COL24A1: variants seen among roughly 807,000 people sequenced by gnomAD.
COL24A1 encodes the protein collagen type XXIV alpha 1 chain, also known as collagen alpha-1(XXIV) chain.
Under a neutral mutation model 253.9 loss-of-function variants are expected in COL24A1, and 224 were observed. That is an observed-to-expected ratio of 0.88 (90% CI 0.79 to 0.99). The LOEUF is 0.99. Among genes scored for constraint, COL24A1 ranks in the 50% least tolerant of loss-of-function variants. The pLI, the probability that COL24A1 is intolerant of heterozygous loss-of-function variation, is 0.00. For missense variants in COL24A1, 2,131 were observed against 2,068.5 expected (o/e 1.03, Z -0.59); for synonymous variants, 685 against 673.7 (o/e 1.02, Z -0.26).
At chr1:86,108,479 G>C (rs1050779455) in intron 5 of COL24A1, among the ~76,000 whole-genome samples, 1 of 151,622 alleles carries the variant, frequency 6.6e-6, no homozygotes, top group Non-Finnish European at 1.5e-5. Flanking sequence ...CAGCAACAGA[G>C]CTTATTAAGA....
intron 20 of COL24A1, among the ~76,000 whole-genome samples, chr1:85,976,272 G>C (rs1174175908): frequency 1.3e-5 from 2 of 152,158 alleles, no homozygotes; most frequent in Non-Finnish European, 2.9e-5. Flanking sequence ...GCTGAGCACA[G>C]GCTACCTGGA....
At chr1:86,151,328 T>C (rs2102454128) in intron 1 of COL24A1, among the ~76,000 whole-genome samples, 1 of 152,306 alleles carries the variant, frequency 6.6e-6, no homozygotes, top group Admixed American at 6.5e-5. Context: ...CACTGGTTTG[T>C]ATATGTGGAC....
chr1:85,849,684 ACCCATTTTAATTAGAGAG>A (rs1474943603), intron 37 of COL24A1, among the ~76,000 whole-genome samples: 1 of 152,182 alleles, frequency 6.6e-6, no homozygotes, highest in African/African-American at 2.4e-5. Context: ...GATTCAGTAT[ACCCATTTTAATTAGAGAG>A]AATGTAATTA....
intron 1 of COL24A1, among the ~76,000 whole-genome samples, chr1:86,146,924 A>G (rs886969207): frequency 1.3e-5 from 2 of 152,140 alleles, no homozygotes; most frequent in Admixed American, 6.5e-5. Context: ...AACATTCTTC[A>G]TAATTGGCTG....
At chr1:85,912,919 T>C (rs940514737) in intron 24 of COL24A1, among the ~76,000 whole-genome samples, 9 of 152,240 alleles carry the variant, frequency 5.9e-5, no homozygotes, top group African/African-American at 2.2e-4. Flanking sequence ...ATTTGATATA[T>C]TGGTGTAAAT....
chr1:85,784,140 T>C lies in COL24A1; in HGVS notation c.4194A>G (p.Thr1398=). The C allele has an allele frequency of 6.2e-7, 1 of 1,613,600 alleles. No homozygotes were observed. Among genetic ancestry groups the C allele is most frequent in the Non-Finnish European group, 8.5e-7 (1 of 1,179,638 alleles). ...QPGEYGVQGL[T]GFQGFPGPKG... is the part of the protein sequence containing the mutation. ...TAGGGCCTGGGAATCCTTGGAAACC[T>C]GTCAAACCTTGAACACCATATTCTC... Residue 1398 remains threonine (T), a synonymous_variant, in exon 50 of 60, where the codon ACA becomes ACG. Transcript: ENST00000370571.
At position 86,086,910 on chromosome 1, in the gene COL24A1, GAC is replaced by G. The variant is rs772737421; in HGVS notation, c.1707+2262_1707+2263del. ...TCTGTATATAGTTTCCATTAATAGA[GAC>G]ACTCTGAAAAGGGGGAAAATATTCC... is the stretch of plus-strand genomic sequence containing the variant. On this transcript the variant is annotated intron_variant, in intron 7 of 59. Transcript: ENST00000370571. Among the ~76,000 whole-genome samples the G allele has an allele frequency of 2.6e-5, 4 of 152,210 alleles. No individual in the cohort carries two copies. In the East Asian group the frequency reaches 7.7e-4, roughly 29 times the overall value.
chr1:85,763,777 G>A (rs569029850), intron 53 of COL24A1, among the ~76,000 whole-genome samples: 1 of 152,180 alleles, frequency 6.6e-6, no homozygotes, highest in South Asian at 2.1e-4. Context: ...TTACAGGCAT[G>A]AGCCACTGTG....
At chr1:85,987,224 C>T (rs1187607825) in intron 20 of COL24A1, among the ~76,000 whole-genome samples, 1 of 151,776 alleles carries the variant, frequency 6.6e-6, no homozygotes, top group Non-Finnish European at 1.5e-5. Context: ...TCATGGACAC[C>T]ACAGGCTTTC....
intron 3 of COL24A1, among the ~76,000 whole-genome samples, chr1:86,123,591 T>G (rs1647740930): frequency 6.6e-6 from 1 of 151,976 alleles, no homozygotes; most frequent in Non-Finnish European, 1.5e-5. Context: ...TGAATGACTA[T>G]TTTTGAATTT....
chr1:85,898,146 T>A (rs1683938180), intron 28 of COL24A1, among the ~76,000 whole-genome samples: 2 of 152,264 alleles, frequency 1.3e-5, no homozygotes, highest in South Asian at 4.1e-4. Context: ...GGTCTGAAGT[T>A]CACTTACAAA....
chr1:86,117,991 A>G (rs1169921696), intron 3 of COL24A1, among the ~76,000 whole-genome samples: 1 of 152,172 alleles, frequency 6.6e-6, no homozygotes, highest in Admixed American at 6.5e-5. Flanking sequence ...TGAGTATTAA[A>G]GCTATTGTAT....
intron 19 of COL24A1, 68 bp downstream of exon 19, chr1:86,017,083 G>C: frequency 7.2e-7 from 1 of 1,383,456 alleles, no homozygotes; most frequent in Non-Finnish European, 1.0e-6. Flanking sequence ...GTTGAAACAT[G>C]TTTTATCAAA....
Position 85,730,601 on chromosome 1 carries a change from T to C in COL24A1, c.5090A>G (p.His1697Arg), listed in dbSNP as rs1365807943. The stretch of plus-strand genomic sequence containing the variant: ...GTAATACTTTCGTTCAGTTTTGAGA[T>C]GAGGAAGTTTTTGTACTTCAATCAC... ...LPVIEVQKLP[H>R]LKTERKYYID... The change falls in exon 60 of 60, where the codon CAT becomes CGT. Residue 1697 changes from histidine (H) to arginine (R), a missense_variant. Transcript: ENST00000370571. 6.2e-7 allele frequency: 1 copy of C among 1,614,064 alleles called. No individual in the cohort carries two copies. The highest frequency in any genetic ancestry group is 8.5e-7 in the Non-Finnish European group (1 of 1,179,932).
intron 7 of COL24A1, among the ~76,000 whole-genome samples, chr1:86,068,825 C>T (rs1248482617): frequency 6.6e-6 from 1 of 152,028 alleles, no homozygotes; most frequent in Non-Finnish European, 1.5e-5. Flanking sequence ...CGTGAGGCCC[C>T]CATTTGAGGC....
chr1:85,872,958 C>G (rs965671750), intron 35 of COL24A1, among the ~76,000 whole-genome samples: 1 of 152,172 alleles, frequency 6.6e-6, no homozygotes, highest in Non-Finnish European at 1.5e-5. Context: ...GGGCTAATAT[C>G]CAGAATCTAC....
intron 7 of COL24A1, among the ~76,000 whole-genome samples, chr1:86,065,695 G>C (rs1701419361): frequency 6.6e-6 from 1 of 150,398 alleles, no homozygotes; most frequent in South Asian, 2.1e-4. Context: ...TCAAGATGCT[G>C]AGGTGGGAGG....
intron 8 of COL24A1, among the ~76,000 whole-genome samples, chr1:86,061,664 T>C (rs1701100600): frequency 6.6e-6 from 1 of 152,048 alleles, no homozygotes; most frequent in Non-Finnish European, 1.5e-5. Flanking sequence ...GCATAATCTT[T>C]ATATGGCATA....
chr1:85,868,409 A>G (rs1212728068), intron 37 of COL24A1, 110 bp downstream of exon 37: 4 of 668,070 alleles, frequency 6.0e-6, no homozygotes, highest in Admixed American at 5.1e-5. Flanking sequence ...CACATATACA[A>G]TTATCCACTG....
Sources: gnomAD v4.1 joint callset for allele counts (sites outside exome capture counted in the v4.1 genomes callset) on GRCh38, gnomAD v4.1.1 for gene constraint, MANE v1.5 for transcripts, NCBI Gene and HGNC (gene_info 2026-07-23, HGNC 2026-07-21) for gene names.